ZNF254: variants seen among roughly 807,000 people sequenced by gnomAD.
ZNF254 encodes the protein CTD-2017D11.1.
A neutral mutation model predicts 12.4 loss-of-function variants in ZNF254; 10 were observed. The ratio of observed to expected loss-of-function variants is 0.80; its 90% CI spans 0.50 to 1.36. The LOEUF is 1.36. ZNF254 is among the 40% of genes most tolerant of loss of function. The pLI is 0.00. For synonymous variants in ZNF254, 305 were observed against 253.4 expected, an observed-to-expected ratio of 1.20 and a Z score of -1.93; for missense variants, 996 against 763.9, an observed-to-expected ratio of 1.30 and a Z score of -3.58.
chr19:24,091,043 G>A (rs1170847113), intron 1 of ZNF254, among the ~76,000 whole-genome samples: 1 of 148,832 alleles, frequency 6.7e-6, no homozygotes, highest in African/African-American at 2.5e-5. Flanking sequence ...CTGCCTCCCG[G>A]GTTCGAGCAA....
intron 2 of ZNF254, among the ~76,000 whole-genome samples, chr19:24,065,042 C>T (rs367925326): frequency 6.6e-6 from 1 of 152,126 alleles, no homozygotes; most frequent in Non-Finnish European, 1.5e-5. Flanking sequence ...TTGCCTGAGA[C>T]CTGCATATTT....
chr19:24,062,864 G>A (rs1255039056), intron 2 of ZNF254, among the ~76,000 whole-genome samples: 2 of 152,126 alleles, frequency 1.3e-5, no homozygotes, highest in Admixed American at 6.5e-5. Context: ...GCAGTGGCAC[G>A]ATCTTGGCTC....
intron 1 of ZNF254, among the ~76,000 whole-genome samples, chr19:24,100,984 T>C (rs1972990811): frequency 6.6e-6 from 1 of 152,056 alleles, no homozygotes; most frequent in South Asian, 2.1e-4. Context: ...TGGGCCACCA[T>C]GCCCGGCTAA....
At chr19:24,047,252 T>C (rs1416471901) in intron 2 of ZNF254, among the ~76,000 whole-genome samples, 1 of 152,072 alleles carries the variant, frequency 6.6e-6, no homozygotes, top group Non-Finnish European at 1.5e-5. Flanking sequence ...CTTCCTTTTT[T>C]TTGTTTTGTA....
chr19:24,077,734 T>G (rs982120207), intron 2 of ZNF254, among the ~76,000 whole-genome samples: 10 of 152,162 alleles, frequency 6.6e-5, no homozygotes, highest in South Asian at 2.1e-4. Context: ...CTGTGGCTTC[T>G]CAGTGGCTGA....
chr19:24,117,082 T>A (rs1390031938), intron 3 of ZNF254, among the ~76,000 whole-genome samples: 1 of 152,168 alleles, frequency 6.6e-6, no homozygotes, highest in Non-Finnish European at 1.5e-5. Context: ...TACCCAGCCA[T>A]GTGAGGTGTC....
At chr19:24,102,615 T>C (rs892177794) in intron 1 of ZNF254, among the ~76,000 whole-genome samples, 8 of 152,214 alleles carry the variant, frequency 5.3e-5, no homozygotes, top group Non-Finnish European at 8.8e-5. Flanking sequence ...CTGTTGCCTT[T>C]TTAGAGTTGG....
upstream of ZNF254, among the ~76,000 whole-genome samples, chr19:24,086,724 G>A (rs938415984): frequency 6.6e-6 from 1 of 152,116 alleles, no homozygotes; most frequent in African/African-American, 2.4e-5. Context: ...TGATCCGCCC[G>A]CCTTGGCCAT....
At chr19:24,094,814 G>T (rs1972581230) in intron 1 of ZNF254, among the ~76,000 whole-genome samples, 1 of 152,060 alleles carries the variant, frequency 6.6e-6, no homozygotes, top group African/African-American at 2.4e-5. Context: ...AGCCTCTCAA[G>T]TAGCTGGGAT....
chr19:24,055,266 ATTTTCTCT>A (rs1217664283), intron 2 of ZNF254, among the ~76,000 whole-genome samples: 1 of 135,268 alleles, frequency 7.4e-6, no homozygotes, highest in African/African-American at 2.8e-5. Flanking sequence ...CACAGAGGAG[ATTTTCTCT>A]TTTTCTTTTT....
chr19:24,126,584 C>T lies in ZNF254; in HGVS notation c.584C>T (p.Ser195Leu). 6.2e-7 allele frequency: 1 copy of T among 1,601,128 alleles called. No individual in the cohort carries two copies. Among genetic ancestry groups the T allele is most frequent in the Non-Finnish European group, 8.5e-7 (1 of 1,176,662 alleles). The change falls in exon 4 of 4, where the codon TCA (serine) becomes TTA (leucine). Residue 195 changes from serine (S) to leucine (L), a missense_variant. By Grantham distance (145) the Ser-to-Leu change is moderately radical (BLOSUM62 -2). Transcript: ENST00000357002. ...KKRVKLFCML[S>L]HKTQHKSIYH... is the part of the protein sequence containing the mutation. ...CGTGTCAAATTATTTTGCATGCTTT[C>T]ACATAAAACCCAACACAAAAGCATT...
upstream of ZNF254, among the ~76,000 whole-genome samples, chr19:24,086,436 G>C (rs1286820648): frequency 2.6e-5 from 4 of 151,982 alleles, no homozygotes; most frequent in Non-Finnish European, 5.9e-5. Flanking sequence ...CACCCGAGAA[G>C]CTGGGGTTAT....
chr19:24,103,049 C>T (rs1045029389), intron 1 of ZNF254, among the ~76,000 whole-genome samples: 3 of 152,120 alleles, frequency 2.0e-5, no homozygotes, highest in African/African-American at 7.2e-5. Context: ...TCACATAGTA[C>T]CTGCTTAATA....
chr19:24,044,199 T>G (rs1423206006), intron 1 of ZNF254, among the ~76,000 whole-genome samples: 1 of 135,574 alleles, frequency 7.4e-6, no homozygotes, highest in Non-Finnish European at 1.6e-5. Flanking sequence ...AAGATTACAC[T>G]ACTGCACTCC....
intron 3 of ZNF254, among the ~76,000 whole-genome samples, chr19:24,125,295 A>T (rs1974757371): frequency 7.3e-5 from 7 of 95,766 alleles, no homozygotes; most frequent in South Asian, 3.0e-4. Context: ...TTGTTTTTTG[A>T]TATCTTAACT....
intron 3 of ZNF254, among the ~76,000 whole-genome samples, chr19:24,121,980 C>T (rs1417428817): frequency 6.6e-6 from 1 of 151,858 alleles, no homozygotes; most frequent in East Asian, 1.9e-4. Flanking sequence ...ATTTATGAAT[C>T]TATATGATTT....
chr19:24,057,107 ACT>A (rs1267793464), intron 2 of ZNF254, among the ~76,000 whole-genome samples: 9 of 152,228 alleles, frequency 5.9e-5, no homozygotes, highest in East Asian at 5.8e-4. Flanking sequence ...AGAAAATTAC[ACT>A]CTCTCACATA....
At chr19:24,084,746 G>A (rs776324125), upstream of ZNF254, among the ~76,000 whole-genome samples, 6 of 151,738 alleles carry the variant, frequency 4.0e-5, no homozygotes, top group Middle Eastern at 3.4e-3. Context: ...TCCTCCCTCC[G>A]CCTCCTGAAC....
chr19:24,074,828 C>T (rs1313677936), intron 2 of ZNF254, among the ~76,000 whole-genome samples: 2 of 152,146 alleles, frequency 1.3e-5, no homozygotes, highest in Non-Finnish European at 2.9e-5. Context: ...TCTCTGTGAG[C>T]CCTACCCACA....
Sources: gnomAD v4.1 joint callset for allele counts (sites outside exome capture counted in the v4.1 genomes callset) on GRCh38, gnomAD v4.1.1 for gene constraint, MANE v1.5 for transcripts, NCBI Gene and HGNC (gene_info 2026-07-23, HGNC 2026-07-21) for gene names.